The following ADGRD1 variants were observed in gnomAD, a reference collection of about 807,000 sequenced individuals.
The protein encoded by ADGRD1 is adhesion G protein-coupled receptor D1.
Under a neutral mutation model 113.4 loss-of-function variants are expected in ADGRD1, and 77 were observed. The observed-to-expected ratio is 0.68, with a 90% CI of 0.57 to 0.82. The LOEUF (loss-of-function observed/expected upper bound fraction) is 0.82, where lower values mean the gene tolerates loss of function less well. Among genes scored for constraint, ADGRD1 ranks in the 40% least tolerant of loss-of-function variants. The pLI, the probability that ADGRD1 is intolerant of heterozygous loss-of-function variation, is 0.00. For synonymous variants in ADGRD1, 474 were observed against 475.0 expected, an observed-to-expected ratio of 1.00 and a Z score of 0.03; for missense variants, 1,036 against 1,139.1, an observed-to-expected ratio of 0.91 and a Z score of 1.30.
intron 18 of ADGRD1, among the ~76,000 whole-genome samples, chr12:131,115,101 T>C (rs1206683010): frequency 6.6e-6 from 1 of 152,126 alleles, no homozygotes; most frequent in Non-Finnish European, 1.5e-5. Context: ...GGGGGATCCG[T>C]CAGGGTAGGC....
Position 131,032,344 on chromosome 12 carries a change from C to T in ADGRD1, c.1473+18004C>T, listed in dbSNP as rs116861403. Among the ~76,000 whole-genome samples the T allele has an allele frequency of 3.8e-3, 574 of 151,730 alleles. 3 individuals carry two copies. The highest frequency in any genetic ancestry group is 0.014 in the Middle Eastern group (4 of 294). Reference sequence around the variant, plus strand: ...ACCCCGCCTAGATCCTCCACGAGCACGAATCATCTCACGGGTTCTGACGCC... The same window carrying T: ...ACCCCGCCTAGATCCTCCACGAGCATGAATCATCTCACGGGTTCTGACGCC... On this transcript the variant is annotated intron_variant, in intron 13 of 24. Coordinates refer to ENST00000261654, the MANE Select transcript of ADGRD1 (RefSeq NM_198827.5).
chr12:131,044,749 C>T (rs904351973), intron 13 of ADGRD1, among the ~76,000 whole-genome samples: 1 of 152,230 alleles, frequency 6.6e-6, no homozygotes, highest in African/African-American at 2.4e-5. Flanking sequence ...TTTTTACACA[C>T]ACACGACGGC....
chr12:130,954,180 A>G lies in ADGRD1; in HGVS notation c.-286A>G, dbSNP rs565343749. 162 of 366,812 alleles carry G rather than the reference A, an allele frequency of 4.4e-4. 1 individual carries two copies. The highest frequency in any genetic ancestry group is 3.0e-3 in the African/African-American group (145 of 48,022). 22.7% of individuals were successfully genotyped at this position (366,812 alleles called of 1,614,324 possible). On this transcript the variant is annotated 5_prime_UTR_variant, in exon 1 of 25. Transcript: ENST00000261654. This position sits in a 1 kb window ranked among gnomAD's most constrained non-coding sequence, Gnocchi z 4.7. ...AGTGGTGACCTGGGATTGCTTTCCC[A>G]GGACTGCGAGTCGGGTTTGGGTTTC... is the stretch of plus-strand genomic sequence containing the variant.
chr12:131,085,241 G>T (rs1447069336), intron 15 of ADGRD1, among the ~76,000 whole-genome samples: 1 of 152,236 alleles, frequency 6.6e-6, no homozygotes, highest in Non-Finnish European at 1.5e-5. Flanking sequence ...TCTTCACGGA[G>T]CGGTGAGGAG....
chr12:131,046,321 TCCTCCCTGGTCAGTGCTC>T (rs1566061810), intron 13 of ADGRD1, among the ~76,000 whole-genome samples: 4 of 109,604 alleles, frequency 3.6e-5, no homozygotes, highest in Admixed American at 1.9e-4. Flanking sequence ...CTGGTCAGTG[TCCTCCCTGGTCAGTGCTC>T]CCTCCCTGGT....
intron 13 of ADGRD1, among the ~76,000 whole-genome samples, chr12:131,021,820 C>T (rs1052632393): frequency 2.0e-5 from 3 of 152,144 alleles, no homozygotes; most frequent in African/African-American, 2.4e-5. Context: ...CATCCTCCTG[C>T]GTCAGCCTCC....
intron 13 of ADGRD1, among the ~76,000 whole-genome samples, chr12:131,059,005 C>T (rs780664570): frequency 9.2e-5 from 14 of 152,266 alleles, no homozygotes; most frequent in Non-Finnish European, 1.8e-4. Context: ...TTATATCTTT[C>T]GTTGTTGTCC....
At chr12:131,017,514 C>T (rs556281515) in intron 13 of ADGRD1, among the ~76,000 whole-genome samples, 69 of 143,348 alleles carry the variant, frequency 4.8e-4, no homozygotes, top group African/African-American at 1.7e-3. Flanking sequence ...CCATCTACAC[C>T]CACCCAGCAC....
chr12:130,963,338 A>G (rs1469238763), intron 2 of ADGRD1, among the ~76,000 whole-genome samples: 1 of 150,196 alleles, frequency 6.7e-6, no homozygotes, highest in Non-Finnish European at 1.5e-5. Flanking sequence ...AAAAAAAAAA[A>G]AAAAGAAAGA....
At chr12:131,061,453 C>T (rs1365569128) in intron 13 of ADGRD1, among the ~76,000 whole-genome samples, 1 of 152,196 alleles carries the variant, frequency 6.6e-6, no homozygotes, top group Admixed American at 6.5e-5. Context: ...CTCGCCTGCC[C>T]ACGCTTGTGT....
chr12:131,092,444 A>G (rs895648843), intron 15 of ADGRD1, among the ~76,000 whole-genome samples: 6 of 152,186 alleles, frequency 3.9e-5, no homozygotes, highest in Non-Finnish European at 5.9e-5. Flanking sequence ...ATATTGATAG[A>G]CAGTCCTGCC....
At chr12:131,070,403 G>A (rs1182899774) in intron 13 of ADGRD1, 2 of 163,126 alleles carry the variant, frequency 1.2e-5, no homozygotes, top group Non-Finnish European at 2.7e-5. Flanking sequence ...AGAGACGAAG[G>A]GCAGCGACAG....
At chr12:131,122,036 GTCTGTGCT>G (rs1357869449) in intron 20 of ADGRD1, 1 of 152,366 alleles carries the variant, frequency 6.6e-6, no homozygotes, top group African/African-American at 2.4e-5. Context: ...CCTCAGCAGA[GTCTGTGCT>G]TTCCCTTCGG....
intron 13 of ADGRD1, among the ~76,000 whole-genome samples, chr12:131,053,518 A>C (rs1455861465): frequency 6.6e-6 from 1 of 152,232 alleles, no homozygotes. Flanking sequence ...ACAGGTGATC[A>C]TTTCAGAAGT....
At chr12:131,004,044 GC>G in intron 10 of ADGRD1, 141 bp from the exon 11 acceptor site, 2 of 530,188 alleles carry the variant, frequency 3.8e-6, no homozygotes, top group South Asian at 2.5e-5. Context: ...TTTTTTTGAG[GC>G]CATGCTTTCT....
intron 13 of ADGRD1, among the ~76,000 whole-genome samples, chr12:131,051,002 T>G (rs1593124428): frequency 6.6e-6 from 1 of 152,120 alleles, no homozygotes; most frequent in Non-Finnish European, 1.5e-5. Context: ...ACGGCCCGGG[T>G]GTTGGGAACC....
chr12:130,986,819 G>A, intron 5 of ADGRD1: 2 of 415,626 alleles, frequency 4.8e-6, no homozygotes, highest in Non-Finnish European at 8.7e-6. Context: ...ACTTGCTTGT[G>A]GGCATTTGAA....
chr12:131,066,612 C>G (rs780114619), intron 13 of ADGRD1, among the ~76,000 whole-genome samples: 5 of 152,216 alleles, frequency 3.3e-5, no homozygotes, highest in Non-Finnish European at 7.3e-5. Context: ...CTGTGACTCT[C>G]ACATCCCAGT....
At chr12:131,038,679 C>A (rs906600494) in intron 13 of ADGRD1, among the ~76,000 whole-genome samples, 2 of 152,142 alleles carry the variant, frequency 1.3e-5, no homozygotes, top group Non-Finnish European at 2.9e-5. Context: ...GGAGGGGCAA[C>A]CTGCCTCTGA....
Sources: gnomAD v4.1 joint callset for allele counts (sites outside exome capture counted in the v4.1 genomes callset) on GRCh38, gnomAD v4.1.1 for gene constraint, Gnocchi (gnomAD v3.1) non-coding constraint, MANE v1.5 for transcripts, NCBI Gene and HGNC (gene_info 2026-07-23, HGNC 2026-07-21) for gene names.